COL6A6: variants seen among roughly 807,000 people sequenced by gnomAD.
COL6A6 encodes collagen type VI alpha 6 chain.
A neutral mutation model predicts 208.6 loss-of-function variants in COL6A6; 183 were observed. The observed-to-expected ratio is 0.88, with a 90% CI of 0.78 to 0.99. The LOEUF (loss-of-function observed/expected upper bound fraction) is 0.99. Among genes scored for constraint, COL6A6 ranks in the 50% least tolerant of loss-of-function variants. The pLI is 0.00. For missense variants in COL6A6, 2,816 were observed against 2,815.2 expected (o/e 1.00, Z -0.01); for synonymous variants, 973 against 1,011.8 (o/e 0.96, Z 0.73).
At chr3:130,550,622 A>G (rs1035739416) in intron 1 of COL6A6, among the ~76,000 whole-genome samples, 1 of 152,234 alleles carries the variant, frequency 6.6e-6, no homozygotes, top group African/African-American at 2.4e-5. Context: ...AGGAAGAAGC[A>G]GAAGCAGAAC....
intron 23 of COL6A6, among the ~76,000 whole-genome samples, chr3:130,621,594 C>A (rs189650947): frequency 6.6e-6 from 1 of 152,174 alleles, no homozygotes; most frequent in African/African-American, 2.4e-5. Flanking sequence ...AGAAAACTCA[C>A]AAGGAAGCAC....
intron 1 of COL6A6, among the ~76,000 whole-genome samples, chr3:130,557,564 C>G (rs2062794356): frequency 6.6e-6 from 1 of 152,110 alleles, no homozygotes; most frequent in Admixed American, 6.6e-5. Context: ...AATGTTGTTT[C>G]TTACAGTAAA....
At chr3:130,537,837 G>A (rs968874629) in intron 1 of COL6A6, among the ~76,000 whole-genome samples, 3 of 152,168 alleles carry the variant, frequency 2.0e-5, no homozygotes, top group Non-Finnish European at 4.4e-5. Context: ...GTGTCAGTAT[G>A]GCTGCCCTTT....
At chr3:130,601,797 C>G (rs1432035895) in intron 20 of COL6A6, among the ~76,000 whole-genome samples, 1 of 152,140 alleles carries the variant, frequency 6.6e-6, no homozygotes, top group African/African-American at 2.4e-5. Flanking sequence ...TTAAAAATGG[C>G]GAAACAGAGA....
chr3:130,517,983 G>C (rs1710841574), intron 1 of COL6A6, among the ~76,000 whole-genome samples: 1 of 152,174 alleles, frequency 6.6e-6, no homozygotes, highest in African/African-American at 2.4e-5. Flanking sequence ...ACTCTGAGCG[G>C]AACCCCAATT....
At chr3:130,599,383 C>T (rs1419883374) in intron 19 of COL6A6, among the ~76,000 whole-genome samples, 1 of 151,658 alleles carries the variant, frequency 6.6e-6, no homozygotes, top group Non-Finnish European at 1.5e-5. Flanking sequence ...AAGGATCAAG[C>T]AATTCAAAAG....
chr3:130,607,766 T>C (rs558042923), intron 21 of COL6A6, among the ~76,000 whole-genome samples: 56 of 152,344 alleles, frequency 3.7e-4, no homozygotes, highest in Non-Finnish European at 6.5e-4. Flanking sequence ...CTATGTGTAA[T>C]GTAAAATAGA....
At chr3:130,643,397 A>T (rs1313299663) in intron 31 of COL6A6, among the ~76,000 whole-genome samples, 1 of 152,234 alleles carries the variant, frequency 6.6e-6, no homozygotes, top group Non-Finnish European at 1.5e-5. Context: ...TGAAAGAAGC[A>T]GCCGTGATAA....
rs114769602 is a variant in COL6A6, at chr3:130,524,049, A to G, written c.-32+6652A>G. Reference sequence around the variant, plus strand: ...ACTGTCATCAACCTGAAATGGCACCATTAAGCACCTAATCTTTGAGCCTCC... The same window carrying G: ...ACTGTCATCAACCTGAAATGGCACCGTTAAGCACCTAATCTTTGAGCCTCC... On this transcript the variant is annotated intron_variant, in intron 1 of 36. Transcript: ENST00000358511. Among the ~76,000 whole-genome samples, 1,327 of 152,302 alleles carry G rather than the reference A, an allele frequency of 8.7e-3. 14 individuals carry two copies. The highest frequency in any genetic ancestry group is 0.034 in the Middle Eastern group (10 of 294).
chr3:130,613,254 C>T (rs956948615), intron 23 of COL6A6, among the ~76,000 whole-genome samples: 5 of 152,146 alleles, frequency 3.3e-5, no homozygotes, highest in African/African-American at 1.2e-4. Flanking sequence ...CTCCCAGTAC[C>T]ATTTATTGAA....
chr3:130,519,415 T>C (rs1213980797), intron 1 of COL6A6, among the ~76,000 whole-genome samples: 1 of 152,232 alleles, frequency 6.6e-6, no homozygotes, highest in Non-Finnish European at 1.5e-5. Context: ...TGTTGTAATC[T>C]AAGAATACTC....
intron 20 of COL6A6, among the ~76,000 whole-genome samples, chr3:130,604,894 A>C (rs1351798900): frequency 6.6e-6 from 1 of 152,208 alleles, no homozygotes; most frequent in Non-Finnish European, 1.5e-5. Context: ...AGTTCCATTC[A>C]GTTCCTGTTA....
intron 10 of COL6A6, 23 bp from the exon 11 acceptor site, chr3:130,586,483 A>T (rs779144166): frequency 6.3e-7 from 1 of 1,587,724 alleles, no homozygotes; most frequent in African/African-American, 1.4e-5. Context: ...CTCACCTGGA[A>T]CATTGTAAAC....
chr3:130,645,133 C>CA lies in COL6A6; in HGVS notation c.5239+132dup. Reference sequence around the variant, plus strand: ...ATCTGGGCTTTCTTTGCTGCTGCCTCATACTGGTAGCAGAGTCTTGCCTCC... The same window carrying CA: ...ATCTGGGCTTTCTTTGCTGCTGCCTCAATACTGGTAGCAGAGTCTTGCCTCC... On this transcript the variant is annotated intron_variant, in intron 32 of 36. Coordinates refer to ENST00000358511, the MANE Select transcript of COL6A6 (RefSeq NM_001102608.3). 9 of 836,412 alleles carry CA rather than the reference C, an allele frequency of 1.1e-5. No individual in the cohort carries two copies. The South Asian group carries it at 1.3e-4, about 12-fold the overall frequency. 51.8% of individuals were successfully genotyped at this position (836,412 alleles called of 1,614,324 possible).
chr3:130,568,028 C>T lies in COL6A6; in HGVS notation c.1844-19C>T. The T allele has an allele frequency of 6.3e-7, 1 of 1,574,844 alleles. No individual in the cohort carries two copies. Among genetic ancestry groups the T allele is most frequent in the South Asian group, 1.2e-5 (1 of 83,740 alleles). ...ACATGTAGCTGACTTGAATAAACAT[C>T]ACAGTTTTTCCTATGCAGCTTGCAA... On this transcript the variant is annotated intron_variant, in intron 5 of 36. Coordinates refer to ENST00000358511, the MANE Select transcript of COL6A6 (RefSeq NM_001102608.3).
intron 36 of COL6A6, among the ~76,000 whole-genome samples, chr3:130,668,729 G>A (rs201981444): frequency 6.6e-5 from 10 of 152,054 alleles, no homozygotes; most frequent in East Asian, 3.8e-4. Context: ...GATGAGGGTC[G>A]TAAAACCTTA....
intron 27 of COL6A6, among the ~76,000 whole-genome samples, chr3:130,635,134 C>A (rs778323775): frequency 3.3e-5 from 5 of 151,966 alleles, no homozygotes; most frequent in Non-Finnish European, 7.4e-5. Flanking sequence ...ACTCAGGAGC[C>A]TAAGGTGGGA....
intron 24 of COL6A6, among the ~76,000 whole-genome samples, chr3:130,623,601 A>AT (rs1333248453): frequency 2.6e-4 from 39 of 152,312 alleles, no homozygotes; most frequent in African/African-American, 9.4e-4. Flanking sequence ...AACTCTTCCA[A>AT]TAGGGGACTG....
At chr3:130,591,218 G>C in intron 13 of COL6A6, 124 bp downstream of exon 13, 1 of 780,122 alleles carries the variant, frequency 1.3e-6, no homozygotes, top group Non-Finnish European at 2.2e-6. Context: ...CAGAATCTCA[G>C]ATCTTCTTTT....
Sources: allele counts gnomAD v4.1 joint callset (sites outside exome capture counted in the v4.1 genomes callset), GRCh38; gene constraint gnomAD v4.1.1; transcripts MANE v1.5; gene names NCBI Gene and HGNC (gene_info 2026-07-23, HGNC 2026-07-21).